The following PTPRC variants were observed in gnomAD, a reference collection of about 807,000 sequenced individuals.
PTPRC encodes the protein protein tyrosine phosphatase receptor type C.
Under a neutral mutation model 155.9 loss-of-function variants are expected in PTPRC, and 44 were observed. That is an observed-to-expected ratio of 0.28 (90% CI 0.22 to 0.36). The LOEUF (loss-of-function observed/expected upper bound fraction) is 0.36, where lower values mean the gene tolerates loss of function less well. Among genes scored for constraint, PTPRC ranks in the 10% least tolerant of loss-of-function variants. The pLI is 1.00. For synonymous variants in PTPRC, 525 were observed against 533.1 expected, an observed-to-expected ratio of 0.98 and a Z score of 0.21; for missense variants, 1,401 against 1,564.6, an observed-to-expected ratio of 0.90 and a Z score of 1.76.
chr1:198,696,766 C>T lies in PTPRC; in HGVS notation c.155C>T (p.Thr52Ile). 6.2e-7 allele frequency: 1 copy of T among 1,614,128 alleles called. No individual in the cohort carries two copies. The highest frequency in any genetic ancestry group is 2.2e-5 in the East Asian group (1 of 44,876). The change falls in exon 4 of 33, where the codon ACT (threonine) becomes ATT (isoleucine). Residue 52 changes from threonine (T) to isoleucine (I), a missense_variant. Physicochemically the swap from Thr to Ile is moderately conservative, Grantham distance 89. Around this residue, in one of 3 missense-constraint regions of PTPRC, gnomAD observed 867 missense variants for 970.4 expected, o/e 0.89. Transcript: ENST00000442510. ...CCACTTTCAAGTGACCCCTTACCTACTCACACCACTGCATTCTCACCCGCA... is the reference window on the plus strand; with the variant it reads ...CCACTTTCAAGTGACCCCTTACCTATTCACACCACTGCATTCTCACCCGCA... ...SVPLSSDPLP[T>I]HTTAFSPAST...
At chr1:198,717,023 CTTCTT>C (rs771570069) in intron 13 of PTPRC, among the ~76,000 whole-genome samples, 183 bp downstream of exon 13, 14 of 152,366 alleles carry the variant, frequency 9.2e-5, no homozygotes, top group Admixed American at 8.5e-4. Flanking sequence ...GATTCTCTCT[CTTCTT>C]CAGATATAGT....
intron 2 of PTPRC, among the ~76,000 whole-genome samples, chr1:198,659,467 G>A (rs148112692): frequency 1.6e-3 from 243 of 152,212 alleles, no homozygotes; most frequent in African/African-American, 5.7e-3. Context: ...TTGAGGACAC[G>A]ATAGTTCGGA....
At chr1:198,752,550 C>G in intron 30 of PTPRC, 44 bp from the exon 31 acceptor site, 2 of 1,583,510 alleles carry the variant, frequency 1.3e-6, no homozygotes, top group Non-Finnish European at 1.7e-6. Flanking sequence ...AGAAAATAAG[C>G]TGAACTTCAC....
At chr1:198,646,866 A>C (rs939239363) in intron 2 of PTPRC, among the ~76,000 whole-genome samples, 6 of 151,896 alleles carry the variant, frequency 4.0e-5, no homozygotes, top group Non-Finnish European at 2.9e-5. Flanking sequence ...TTCTCAATGT[A>C]AAATAGTGTG....
At chr1:198,708,031 G>A in intron 9 of PTPRC, 102 bp from the exon 10 acceptor site, 1 of 1,082,592 alleles carries the variant, frequency 9.2e-7, no homozygotes, top group Non-Finnish European at 1.4e-6. Context: ...TATGTCATTA[G>A]CATAATTTCA....
intron 31 of PTPRC, among the ~76,000 whole-genome samples, chr1:198,753,560 A>T (rs1446026858): frequency 6.6e-6 from 1 of 152,040 alleles, no homozygotes; most frequent in East Asian, 1.9e-4. Context: ...AAGCCTTAAG[A>T]AATATATGAA....
intron 2 of PTPRC, among the ~76,000 whole-genome samples, chr1:198,675,021 C>T (rs985590963): frequency 5.3e-5 from 8 of 152,020 alleles, no homozygotes; most frequent in Admixed American, 6.6e-5. Context: ...GGATTTGTGA[C>T]GGTTTTCTGT....
chr1:198,721,997 C>T (rs1653911438), intron 14 of PTPRC, among the ~76,000 whole-genome samples: 1 of 150,536 alleles, frequency 6.6e-6, no homozygotes, highest in Non-Finnish European at 1.5e-5. Context: ...ATCCATTTGC[C>T]CTTAAAAAAA....
In PTPRC at chr1:198,713,066, G is replaced by C. The variant is rs745527713; in HGVS notation, c.1285G>C (p.Glu429Gln). The C allele has an allele frequency of 6.2e-7, 1 of 1,613,626 alleles. No homozygotes were observed. The highest frequency in any genetic ancestry group is 1.1e-5 in the South Asian group (1 of 91,072). Residue 429 changes from glutamate to glutamine, a missense_variant, in exon 12 of 33, where the codon GAG becomes CAG. Physicochemically the swap from Glu to Gln is conservative, Grantham distance 29. Around this residue, in one of 3 missense-constraint regions of PTPRC, gnomAD observed 867 missense variants for 970.4 expected, o/e 0.89. Transcript: ENST00000442510. The part of the protein sequence containing the change: ...FHNFTLCYIK[E>Q]TEKDCLNLDK... The stretch of plus-strand genomic sequence containing the variant: ...TAATTTTACCCTCTGTTATATAAAA[G>C]AGACAGGTAATTTGTGTAGAATTTA...
chr1:198,681,472 G>A (rs1052371982), intron 2 of PTPRC, among the ~76,000 whole-genome samples: 1 of 152,156 alleles, frequency 6.6e-6, no homozygotes, highest in African/African-American at 2.4e-5. Flanking sequence ...TTTCCTACTG[G>A]TAGGGTCGTA....
chr1:198,677,789 A>G (rs1203917877), intron 2 of PTPRC, among the ~76,000 whole-genome samples: 1 of 152,166 alleles, frequency 6.6e-6, no homozygotes, highest in Admixed American at 6.5e-5. Context: ...CTCATATATA[A>G]ACTAGATTTT....
At chr1:198,728,109 C>G (rs1654224160) in intron 15 of PTPRC, among the ~76,000 whole-genome samples, 1 of 152,112 alleles carries the variant, frequency 6.6e-6, no homozygotes, top group Admixed American at 6.6e-5. Context: ...AATTATTCTT[C>G]TATTCTTACT....
rs1466911164 is a variant in PTPRC, at chr1:198,709,780, A to G, written c.1127A>G (p.His376Arg). ...KCDSEILYNN[H>R]KFTNASKIIK... ...GACTCAGAAATACTCTATAATAACC[A>G]CAAGTTTACTAACGCAAGTAAAATT... Residue 376 changes from histidine to arginine, a missense_variant, in exon 11 of 33, where the codon CAC becomes CGC. Physicochemically the swap from His to Arg is conservative, Grantham distance 29. This residue lies in a region of PTPRC where 867 missense variants were observed against 970.4 expected (regional missense o/e 0.89). Coordinates refer to ENST00000442510, the MANE Select transcript of PTPRC (RefSeq NM_002838.5). 1 of 1,612,764 alleles carries G rather than the reference A, an allele frequency of 6.2e-7. No individual in the cohort carries two copies. The highest frequency in any genetic ancestry group is 8.5e-7 in the Non-Finnish European group (1 of 1,179,340).
chr1:198,698,291 C>T (rs1235391290), intron 4 of PTPRC, among the ~76,000 whole-genome samples: 1 of 152,150 alleles, frequency 6.6e-6, no homozygotes, highest in Non-Finnish European at 1.5e-5. Flanking sequence ...TTTTAAAATA[C>T]TGATTTGTTC....
rs1353685018 is a variant in PTPRC at position 198,732,374 on chromosome 1, T to C, written c.2049T>C (p.Tyr683=). Residue 683 remains tyrosine (Y), a synonymous_variant, in exon 19 of 33, where the codon TAT becomes TAC. Transcript: ENST00000442510. Reference sequence around the variant, plus strand: ...CCTTTAACCAGAATAAAAACCGTTATGTTGACATTCTTCCTTGTGAGTATT... The same window carrying C: ...CCTTTAACCAGAATAAAAACCGTTACGTTGACATTCTTCCTTGTGAGTATT... ...RKPFNQNKNR[Y]VDILPYDYNR... 3.1e-6 allele frequency: 5 copies of C among 1,611,832 alleles called. No homozygotes were observed. The highest frequency in any genetic ancestry group is 2.2e-5 in the South Asian group (2 of 91,062).
intron 15 of PTPRC, among the ~76,000 whole-genome samples, chr1:198,727,182 C>T (rs1654178735): frequency 1.3e-5 from 2 of 152,060 alleles, no homozygotes; most frequent in East Asian, 1.9e-4. Context: ...TTTCTAGTGT[C>T]TGTTTCCCCC....
intron 2 of PTPRC, among the ~76,000 whole-genome samples, chr1:198,648,317 T>A (rs961964336): frequency 2.0e-5 from 3 of 151,692 alleles, no homozygotes; most frequent in Non-Finnish European, 2.9e-5. Context: ...AAATTCTTAC[T>A]TTTTTTTGGT....
intron 14 of PTPRC, among the ~76,000 whole-genome samples, chr1:198,720,433 G>A (rs182284467): frequency 3.4e-4 from 52 of 152,100 alleles, no homozygotes; most frequent in African/African-American, 1.2e-3. Flanking sequence ...AGGTTCAAGC[G>A]ATTCTCCTGC....
At chr1:198,725,106 A>G (rs1654072213) in intron 15 of PTPRC, among the ~76,000 whole-genome samples, 1 of 152,120 alleles carries the variant, frequency 6.6e-6, no homozygotes, top group Non-Finnish European at 1.5e-5. Context: ...CTGGCCCTGA[A>G]TCTTTTTCAT....
Sources: allele counts gnomAD v4.1 joint callset (sites outside exome capture counted in the v4.1 genomes callset), GRCh38; gene constraint gnomAD v4.1.1; regional missense constraint gnomAD v4.1.1; transcripts MANE v1.5; gene names NCBI Gene and HGNC (gene_info 2026-07-23, HGNC 2026-07-21).